Variants in GRIK2 observed in about 807,000 individuals in gnomAD.
GRIK2 encodes the protein glutamate receptor ionotropic, kainate 2.
A neutral mutation model predicts 100.3 loss-of-function variants in GRIK2; 32 were observed. The ratio of observed to expected loss-of-function variants is 0.32; its 90% confidence interval spans 0.24 to 0.43. The LOEUF (loss-of-function observed/expected upper bound fraction) is 0.43, where lower values mean the gene tolerates loss of function less well. GRIK2 is among the 20% of genes least tolerant of loss of function. The pLI, the probability that GRIK2 is intolerant of heterozygous loss-of-function variation, is 1.00. For synonymous variants in GRIK2, 417 were observed against 389.4 expected, an observed-to-expected ratio of 1.07 and a Z score of -0.83; for missense variants, 843 against 1,114.9, an observed-to-expected ratio of 0.76 and a Z score of 3.47.
intron 12 of GRIK2, among the ~76,000 whole-genome samples, chr6:101,915,302 G>T (rs966931252): frequency 2.0e-5 from 3 of 151,292 alleles, no homozygotes; most frequent in African/African-American, 7.3e-5. Context: ...AAATTGCCAT[G>T]CAGGTTACAT....
At chr6:101,733,638 CT>C (rs1775428570) in intron 7 of GRIK2, among the ~76,000 whole-genome samples, 1 of 150,466 alleles carries the variant, frequency 6.6e-6, no homozygotes, top group African/African-American at 2.4e-5. Context: ...TATGAATAGG[CT>C]GAGAATTTTC....
intron 14 of GRIK2, among the ~76,000 whole-genome samples, chr6:101,940,117 A>C (rs552947347): frequency 2.6e-5 from 4 of 152,318 alleles, no homozygotes; most frequent in African/African-American, 9.6e-5. Flanking sequence ...GTTCTTCACA[A>C]GAAGCCAAAT....
At chr6:101,884,367 A>C (rs1408499201) in intron 11 of GRIK2, among the ~76,000 whole-genome samples, 1 of 152,136 alleles carries the variant, frequency 6.6e-6, no homozygotes, top group East Asian at 1.9e-4. Context: ...TTCCAGCGTT[A>C]AACTGCAAGA....
intron 15 of GRIK2, among the ~76,000 whole-genome samples, chr6:102,036,222 C>A (rs564336786): frequency 8.8e-6 from 1 of 113,672 alleles, no homozygotes; most frequent in Non-Finnish European, 1.8e-5. Context: ...ATGATGGTGC[C>A]GTAAGTAAAC....
intron 2 of GRIK2, among the ~76,000 whole-genome samples, chr6:101,437,112 A>G (rs1417128262): frequency 1.3e-5 from 2 of 152,002 alleles, no homozygotes; most frequent in Non-Finnish European, 2.9e-5. Context: ...TGGTTGGCAA[A>G]GAAAATGCCT....
rs564936386 is a variant in GRIK2 at position 101,809,427 on chromosome 6, T to A, written c.1203+6989T>A. ...ACTCCTGCCCTCATTAAACTTCATA[T>A]GAAAAAGGTGCCTGAATGGAATTTA... is the stretch of plus-strand genomic sequence containing the variant. On this transcript the variant is annotated intron_variant, in intron 9 of 16. Coordinates refer to ENST00000369134, the MANE Select transcript of GRIK2 (RefSeq NM_021956.5). 5.3e-5 allele frequency among the ~76,000 whole-genome samples: 8 copies of A among 152,034 alleles called. 1 individual carries two copies. In the Admixed American group the frequency reaches 5.3e-4, roughly 10 times the overall value.
At chr6:101,797,462 A>G (rs1780380041) in intron 7 of GRIK2, among the ~76,000 whole-genome samples, 1 of 151,264 alleles carries the variant, frequency 6.6e-6, no homozygotes, top group African/African-American at 2.4e-5. Flanking sequence ...AAATGTTAAC[A>G]ATAGATTTTT....
intron 7 of GRIK2, among the ~76,000 whole-genome samples, chr6:101,781,666 T>C (rs1779104589): frequency 1.3e-5 from 2 of 152,136 alleles, no homozygotes; most frequent in African/African-American, 4.8e-5. Flanking sequence ...GTATGTATAT[T>C]TACCTTTTCT....
Position 101,418,773 on chromosome 6 carries a change from G to A in GRIK2, c.115+19381G>A, listed in dbSNP as rs572104652. 4.6e-5 allele frequency among the ~76,000 whole-genome samples: 7 copies of A among 152,242 alleles called. No homozygotes were observed. In the South Asian group the frequency reaches 1.2e-3, roughly 27 times the overall value. ...TCAATTCTCTCAACATCAGTTGAAT[G>A]AAAAATAGCAATTTGAACAGCATCT... On this transcript the variant is annotated intron_variant, in intron 2 of 16. Coordinates refer to ENST00000369134, the MANE Select transcript of GRIK2 (RefSeq NM_021956.5).
At chr6:102,012,518 A>G (rs1795604495) in intron 14 of GRIK2, among the ~76,000 whole-genome samples, 2 of 152,092 alleles carry the variant, frequency 1.3e-5, no homozygotes, top group East Asian at 3.9e-4. Context: ...TTTTTTTGAA[A>G]TCATTCATCA....
intron 10 of GRIK2, among the ~76,000 whole-genome samples, chr6:101,857,915 A>T (rs1349840698): frequency 6.6e-6 from 1 of 152,142 alleles, no homozygotes; most frequent in Admixed American, 6.6e-5. Context: ...CTTCTGTCAC[A>T]CTGTTGCCAA....
At chr6:101,612,099 C>T (rs1365023455) in intron 2 of GRIK2, among the ~76,000 whole-genome samples, 1 of 151,774 alleles carries the variant, frequency 6.6e-6, no homozygotes, top group Non-Finnish European at 1.5e-5. Flanking sequence ...GGACTGAGGT[C>T]CCTCGTGTCT....
intron 2 of GRIK2, among the ~76,000 whole-genome samples, chr6:101,547,284 TAGTC>T (rs1776291137): frequency 6.6e-6 from 1 of 151,550 alleles, no homozygotes. Context: ...GAACCTATAA[TAGTC>T]TGTGCATTTT....
intron 12 of GRIK2, among the ~76,000 whole-genome samples, chr6:101,909,370 G>GTTTTTT (rs1788472568): frequency 1.3e-4 from 3 of 22,688 alleles, no homozygotes; most frequent in East Asian, 2.9e-3. Context: ...AGGAAGATAG[G>GTTTTTT]GTTTTCTTTT....
chr6:101,623,547 C>T (rs1204542074), intron 3 of GRIK2, among the ~76,000 whole-genome samples: 1 of 151,912 alleles, frequency 6.6e-6, no homozygotes, highest in Non-Finnish European at 1.5e-5. Flanking sequence ...AGTATGAGTG[C>T]AGTATAGATA....
intron 7 of GRIK2, among the ~76,000 whole-genome samples, chr6:101,732,404 AT>A (rs1325533260): frequency 6.6e-6 from 1 of 151,734 alleles, no homozygotes; most frequent in Admixed American, 6.6e-5. Flanking sequence ...TAACAATCAT[AT>A]TTTTTTTAGT....
intron 2 of GRIK2, among the ~76,000 whole-genome samples, chr6:101,564,763 C>G (rs1777174768): frequency 6.6e-6 from 1 of 152,122 alleles, no homozygotes; most frequent in Non-Finnish European, 1.5e-5. Flanking sequence ...TGATCTGGTA[C>G]CATGGATCCA....
At chr6:101,823,655 A>G (rs1260085408) in intron 10 of GRIK2, among the ~76,000 whole-genome samples, 2 of 152,164 alleles carry the variant, frequency 1.3e-5, no homozygotes, top group Non-Finnish European at 2.9e-5. Flanking sequence ...ATTGTCAAAA[A>G]TAATAACAAA....
At chr6:101,962,972 C>A (rs934651200) in intron 14 of GRIK2, among the ~76,000 whole-genome samples, 2 of 150,458 alleles carry the variant, frequency 1.3e-5, no homozygotes, top group Admixed American at 1.3e-4. Flanking sequence ...ATAAAACAGG[C>A]AGTTGAATTT....
Sources: gnomAD v4.1 joint callset for allele counts (sites outside exome capture counted in the v4.1 genomes callset) on GRCh38, gnomAD v4.1.1 for gene constraint, MANE v1.5 for transcripts, NCBI Gene and HGNC (gene_info 2026-07-23, HGNC 2026-07-21) for gene names.